The following PKD1L1 variants were observed in gnomAD, a reference collection of about 807,000 sequenced individuals.
The protein encoded by PKD1L1 is polycystin 1 like 1, transient receptor potential channel interacting.
In PKD1L1, 236 loss-of-function variants were observed where a neutral mutation model predicts 323.4. The observed-to-expected ratio is 0.73, with a 90% confidence interval of 0.66 to 0.81. The LOEUF is 0.81. PKD1L1 is among the 40% of genes least tolerant of loss of function. The pLI is 0.00. For missense variants in PKD1L1, 3,320 were observed against 3,508.0 expected (o/e 0.95, Z 1.35); for synonymous variants, 1,344 against 1,335.0 (o/e 1.01, Z -0.15).
chr7:47,856,156 G>A (rs1372997630), intron 28 of PKD1L1, among the ~76,000 whole-genome samples: 1 of 151,984 alleles, frequency 6.6e-6, no homozygotes. Flanking sequence ...TCCTGCCTCA[G>A]CCTCCCGAGT....
At chr7:47,922,886 C>G (rs935564144) in intron 7 of PKD1L1, among the ~76,000 whole-genome samples, 1 of 152,090 alleles carries the variant, frequency 6.6e-6, no homozygotes, top group Non-Finnish European at 1.5e-5. Flanking sequence ...GCGGTTTTGT[C>G]GAATAGAAAA....
chr7:47,811,901 C>A lies in PKD1L1; in HGVS notation c.7497G>T (p.Gly2499=). ...VSLRVEILPT[G]SLVPSSLVES... The stretch of plus-strand genomic sequence containing the variant: ...CCACCAGGGATGAGGGGACGAGACT[C>A]CCCGTAGGGAGGATCTCCACTCTCA... The change falls in exon 50 of 57, where the codon GGG becomes GGT. Residue 2499 remains glycine (G), a synonymous_variant. Coordinates refer to ENST00000289672, the MANE Select transcript of PKD1L1 (RefSeq NM_138295.5). The A allele has an allele frequency of 1.2e-6, 2 of 1,610,512 alleles. No individual in the cohort carries two copies. Among genetic ancestry groups the A allele is most frequent in the South Asian group, 1.1e-5 (1 of 89,952 alleles).
At chr7:47,854,291 T>A (rs954049445) in intron 30 of PKD1L1, among the ~76,000 whole-genome samples, 10 of 152,130 alleles carry the variant, frequency 6.6e-5, no homozygotes, top group African/African-American at 2.4e-4. Context: ...CCACATAGAC[T>A]AAACACACGG....
At chr7:47,806,977 G>A (rs557032844) in intron 52 of PKD1L1, among the ~76,000 whole-genome samples, 92 of 152,042 alleles carry the variant, frequency 6.1e-4, no homozygotes, top group Non-Finnish European at 9.1e-4. Context: ...ACAGGATTCT[G>A]TCGGGACACA....
chr7:47,933,197 T>A (rs1787805277), intron 4 of PKD1L1, among the ~76,000 whole-genome samples: 1 of 151,322 alleles, frequency 6.6e-6, no homozygotes, highest in African/African-American at 2.4e-5. Flanking sequence ...TTGAAGCCAC[T>A]TGCTATGTGG....
chr7:47,783,265 T>C (rs903231998), intron 56 of PKD1L1, among the ~76,000 whole-genome samples: 2 of 152,232 alleles, frequency 1.3e-5, no homozygotes, highest in Non-Finnish European at 2.9e-5. Context: ...TGTTTTATAA[T>C]TTTAATGATA....
chr7:47,920,233 A>C (rs1270474559), intron 7 of PKD1L1, among the ~76,000 whole-genome samples: 1 of 152,036 alleles, frequency 6.6e-6, no homozygotes, highest in Admixed American at 6.5e-5. Flanking sequence ...CAAGCTGAGA[A>C]TCAAATCAAG....
At chr7:47,861,321 G>A (rs777783800) in intron 26 of PKD1L1, among the ~76,000 whole-genome samples, 2 of 152,150 alleles carry the variant, frequency 1.3e-5, no homozygotes, top group Admixed American at 6.5e-5. Context: ...ACAAAGTCAC[G>A]TACAAATTTG....
At chr7:47,890,940 C>A (rs1583652842) in intron 15 of PKD1L1, among the ~76,000 whole-genome samples, 177 bp from the exon 16 acceptor site, 2 of 152,290 alleles carry the variant, frequency 1.3e-5, no homozygotes, top group Middle Eastern at 6.8e-3. Context: ...AAAAGTGCAG[C>A]AGCACCACCA....
rs73105120 is a variant in PKD1L1 at position 47,840,643 on chromosome 7, C to T, written c.5446-76G>A. Reference sequence around the variant, plus strand: ...CATGCAATGCTGGGCAGGGCTTCCTCGCACTTTCTCCCAGCGTCCCACCCT... The same window carrying T: ...CATGCAATGCTGGGCAGGGCTTCCTTGCACTTTCTCCCAGCGTCCCACCCT... On this transcript the variant is annotated intron_variant, in intron 34 of 56. Transcript: ENST00000289672. The surrounding 1 kb of genome is among the most constrained non-coding windows in gnomAD (Gnocchi z 4.1). 6.3e-4 allele frequency: 727 copies of T among 1,151,234 alleles called. 4 individuals carry two copies. The highest frequency in any genetic ancestry group is 8.2e-4 in the Non-Finnish European group (635 of 775,924). The allele number at this position is 1,151,234 out of a possible 1,614,324, so 71.3% of individuals were successfully genotyped here.
intron 21 of PKD1L1, among the ~76,000 whole-genome samples, chr7:47,880,281 TATA>T (rs199498193): frequency 6.3e-5 from 5 of 78,874 alleles, no homozygotes; most frequent in Non-Finnish European, 7.1e-5. Flanking sequence ...TATATATATA[TATA>T]TTTTTTTTTT....
In PKD1L1 at chr7:47,880,744, G is replaced by C. The variant is rs761449712; in HGVS notation, c.3504C>G (p.Val1168=). ...PYSLSSGETY[V]LQVSVASKHG... is the part of the protein sequence containing the mutation. Reference sequence around the variant, plus strand: ...GTAACATACCCACAGACACTTGCAGGACGTACGTCTCTCCACTGCTCAGAG... The same window carrying C: ...GTAACATACCCACAGACACTTGCAGCACGTACGTCTCTCCACTGCTCAGAG... Residue 1168 remains valine, a synonymous_variant, in exon 21 of 57, where the codon GTC becomes GTG. Coordinates refer to ENST00000289672, the MANE Select transcript of PKD1L1 (RefSeq NM_138295.5). The C allele has an allele frequency of 6.2e-7, 1 of 1,606,956 alleles. No homozygotes were observed.
At position 47,873,998 on chromosome 7, in the gene PKD1L1, G is replaced by T; in HGVS notation, c.3797C>A (p.Thr1266Asn). 1 of 1,610,584 alleles carries T rather than the reference G, an allele frequency of 6.2e-7. No individual in the cohort carries two copies. Among genetic ancestry groups the T allele is most frequent in the African/African-American group, 1.3e-5 (1 of 74,986 alleles). Residue 1266 changes from threonine to asparagine, a missense_variant, in exon 24 of 57, where the codon ACT (threonine) becomes AAT (asparagine). Transcript: ENST00000289672. ...HLDNYKVMVS[T>N]EITDGKGSKV... is the part of the protein sequence containing the mutation. ...GGAGCCTTTGCCATCTGTGATTTCA[G>T]TGGAAACCATGACTGTGAGGGAACA...
intron 14 of PKD1L1, 63 bp from the exon 15 acceptor site, chr7:47,894,122 A>G: frequency 7.0e-7 from 1 of 1,421,396 alleles, no homozygotes; most frequent in Non-Finnish European, 9.5e-7. Context: ...CACTGGAGAA[A>G]CACACTAGTC....
At chr7:47,937,276 G>C (rs995147368) in intron 3 of PKD1L1, among the ~76,000 whole-genome samples, 1 of 142,944 alleles carries the variant, frequency 7.0e-6, no homozygotes, top group Non-Finnish European at 1.5e-5. Context: ...GGGGGGCGCG[G>C]TGCTTTTTTA....
At chr7:47,860,252 C>A (rs937278100) in intron 26 of PKD1L1, among the ~76,000 whole-genome samples, 1 of 152,214 alleles carries the variant, frequency 6.6e-6, no homozygotes, top group African/African-American at 2.4e-5. Context: ...GTCTACGAGA[C>A]AAAGTCAGCT....
intron 36 of PKD1L1, among the ~76,000 whole-genome samples, chr7:47,837,742 T>C (rs973735993): frequency 6.6e-6 from 1 of 152,180 alleles, no homozygotes; most frequent in Non-Finnish European, 1.5e-5. Flanking sequence ...ATACGTTGTT[T>C]AGGAATTGCA....
chr7:47,819,078 G>T (rs910253617), intron 46 of PKD1L1, among the ~76,000 whole-genome samples: 1 of 152,170 alleles, frequency 6.6e-6, no homozygotes, highest in Non-Finnish European at 1.5e-5. Context: ...GCTAGTAAAT[G>T]CCAAACCCTA....
chr7:47,909,780 A>G (rs1241172551), intron 8 of PKD1L1, among the ~76,000 whole-genome samples: 1 of 152,228 alleles, frequency 6.6e-6, no homozygotes, highest in Non-Finnish European at 1.5e-5. Context: ...AATTATATGG[A>G]ATAATATGTG....
Sources: allele counts gnomAD v4.1 joint callset (sites outside exome capture counted in the v4.1 genomes callset), GRCh38; gene constraint gnomAD v4.1.1; non-coding constraint Gnocchi (gnomAD v3.1); transcripts MANE v1.5; gene names NCBI Gene and HGNC (gene_info 2026-07-23, HGNC 2026-07-21).